The following SMIM10L3 variants were observed in gnomAD, a reference collection of about 807,000 sequenced individuals.
SMIM10L3 encodes small integral membrane protein 10 like 3, also known as salivary gland specific protein SAGSIN1.
the SMIM10L3 span, among the ~76,000 whole-genome samples, chr7:6,346,744 G>C: frequency 6.6e-6 from 1 of 152,244 alleles, no homozygotes; most frequent in African/African-American, 2.4e-5. Context: ...ACCATCACCT[G>C]TGTCAGGCAC....
At chr7:6,347,727 C>T in the SMIM10L3 span, among the ~76,000 whole-genome samples, 1 of 151,916 alleles carries the variant, frequency 6.6e-6, no homozygotes, top group Non-Finnish European at 1.5e-5. Context: ...ACGCTGTTAA[C>T]TTCCAATCCA....
the SMIM10L3 span, among the ~76,000 whole-genome samples, chr7:6,333,772 CTT>C: frequency 1.8e-4 from 22 of 124,964 alleles, no homozygotes; most frequent in Admixed American, 2.5e-4. Context: ...GAACAAGTGT[CTT>C]TTTTTTTTTT....
chr7:6,332,954 T>A, the SMIM10L3 span, among the ~76,000 whole-genome samples: 2 of 150,696 alleles, frequency 1.3e-5, no homozygotes, highest in South Asian at 2.1e-4. Context: ...AGGTCAGGAG[T>A]TCGAGACAAG....
the SMIM10L3 span, chr7:6,331,111 A>G: frequency 6.2e-7 from 1 of 1,613,312 alleles, no homozygotes; most frequent in Non-Finnish European, 8.5e-7. Flanking sequence ...GGCCTGCTGC[A>G]CTTGTGCCAG....
chr7:6,340,765 G>C, the SMIM10L3 span, among the ~76,000 whole-genome samples: 4 of 151,584 alleles, frequency 2.6e-5, no homozygotes, highest in South Asian at 2.1e-4. Context: ...CGGGCGTGGT[G>C]GTGGGCACCT....
the SMIM10L3 span, chr7:6,330,634 G>C: frequency 1.2e-6 from 2 of 1,614,168 alleles, no homozygotes; most frequent in African/African-American, 2.7e-5. Flanking sequence ...CTTGGGAAAA[G>C]CACTTGGTGG....
chr7:6,332,404 A>G, the SMIM10L3 span, among the ~76,000 whole-genome samples: 1 of 152,308 alleles, frequency 6.6e-6, no homozygotes, highest in East Asian at 1.9e-4. Flanking sequence ...ATCTATCTGT[A>G]AACTCACTTT....
At chr7:6,344,807 C>T in the SMIM10L3 span, among the ~76,000 whole-genome samples, 1 of 151,796 alleles carries the variant, frequency 6.6e-6, no homozygotes, top group Non-Finnish European at 1.5e-5. Flanking sequence ...ATGGCACGAA[C>T]TTGGCTCACT....
chr7:6,338,051 G>T, the SMIM10L3 span, among the ~76,000 whole-genome samples: 1 of 152,014 alleles, frequency 6.6e-6, no homozygotes, highest in African/African-American at 2.4e-5. Flanking sequence ...TGATCCACCT[G>T]CCTCAGCCTC....
the SMIM10L3 span, among the ~76,000 whole-genome samples, chr7:6,334,397 A>G: frequency 6.6e-6 from 1 of 151,586 alleles, no homozygotes. Flanking sequence ...TTAGCTGGGC[A>G]TGGTGGAGCA....
the SMIM10L3 span, among the ~76,000 whole-genome samples, chr7:6,332,460 T>C: frequency 6.6e-6 from 1 of 152,212 alleles, no homozygotes; most frequent in Admixed American, 6.6e-5. Flanking sequence ...AACATCATAT[T>C]AGTTCCCTTA....
the SMIM10L3 span, among the ~76,000 whole-genome samples, chr7:6,339,607 C>T: frequency 7.2e-5 from 11 of 151,840 alleles, no homozygotes; most frequent in South Asian, 2.1e-4. Context: ...CCTCAGCCTC[C>T]GGAGTAGCTG....
At chr7:6,347,339 A>G in the SMIM10L3 span, among the ~76,000 whole-genome samples, 3 of 152,056 alleles carry the variant, frequency 2.0e-5, no homozygotes, top group Non-Finnish European at 4.4e-5. Context: ...ACATGGTGAA[A>G]ACCCAACTCT....
chr7:6,340,848 G>T, the SMIM10L3 span, among the ~76,000 whole-genome samples: 1 of 142,986 alleles, frequency 7.0e-6, no homozygotes, highest in Non-Finnish European at 1.5e-5. Flanking sequence ...GCAGTGAGCC[G>T]AGATGGCGCC....
At chr7:6,335,448 G>T in the SMIM10L3 span, among the ~76,000 whole-genome samples, 1 of 150,400 alleles carries the variant, frequency 6.6e-6, no homozygotes, top group African/African-American at 2.4e-5. Context: ...GGCTGGTCTT[G>T]ATGTCCTGAC....
chr7:6,346,712 G>T, the SMIM10L3 span, among the ~76,000 whole-genome samples: 1 of 152,088 alleles, frequency 6.6e-6, no homozygotes, highest in South Asian at 2.1e-4. Flanking sequence ...ATCAACAGCC[G>T]GTGTTAGGTT....
the SMIM10L3 span, among the ~76,000 whole-genome samples, chr7:6,334,131 C>T: frequency 1.3e-5 from 2 of 151,356 alleles, no homozygotes; most frequent in South Asian, 4.2e-4. Flanking sequence ...CAAGCGTGAG[C>T]CACCGCACCC....
chr7:6,333,053 A>G, the SMIM10L3 span, among the ~76,000 whole-genome samples: 1 of 151,816 alleles, frequency 6.6e-6, no homozygotes, highest in African/African-American at 2.4e-5. Flanking sequence ...GCTACCAGGG[A>G]GGCTGAAGCG....
chr7:6,330,466 A>C, the SMIM10L3 span: 1 of 1,614,182 alleles, frequency 6.2e-7, no homozygotes, highest in Non-Finnish European at 8.5e-7. Flanking sequence ...GCTTTTAAGC[A>C]TTTTCTTGAA....
Sources: allele counts gnomAD v4.1 joint callset (sites outside exome capture counted in the v4.1 genomes callset), GRCh38; gene constraint gnomAD v4.1.1; transcripts MANE v1.5; gene names NCBI Gene and HGNC (gene_info 2026-07-23, HGNC 2026-07-21).